The following CUX2 variants were observed in gnomAD, a reference collection of about 807,000 sequenced individuals.
The protein encoded by CUX2 is homeobox protein cut-like 2.
A neutral mutation model predicts 144.8 loss-of-function variants in CUX2; 40 were observed. That is an observed-to-expected ratio of 0.28 (90% CI 0.21 to 0.36). The LOEUF (loss-of-function observed/expected upper bound fraction) is 0.36, where lower values mean the gene tolerates loss of function less well. Among genes scored for constraint, CUX2 ranks in the 10% least tolerant of loss-of-function variants. The probability of loss-of-function intolerance (pLI) is 1.00; values close to 1 mark genes in which losing one functional copy is unlikely to be tolerated. For synonymous variants in CUX2, 827 were observed against 875.6 expected, an observed-to-expected ratio of 0.94 and a Z score of 0.98; for missense variants, 1,615 against 1,994.0, an observed-to-expected ratio of 0.81 and a Z score of 3.62.
chr12:111,106,067 G>A (rs1341224523), intron 1 of CUX2, among the ~76,000 whole-genome samples: 2 of 151,974 alleles, frequency 1.3e-5, no homozygotes, highest in Non-Finnish European at 2.9e-5. Flanking sequence ...GTCTTGCTGT[G>A]TTGCCCAGGC....
At chr12:111,233,375 T>C (rs1882581076) in intron 3 of CUX2, among the ~76,000 whole-genome samples, 1 of 152,208 alleles carries the variant, frequency 6.6e-6, no homozygotes, top group Non-Finnish European at 1.5e-5. Context: ...AGGTTCTTAT[T>C]TATTTCATTC....
intron 4 of CUX2, among the ~76,000 whole-genome samples, chr12:111,268,614 G>A (rs759126658): frequency 6.6e-5 from 10 of 152,350 alleles, no homozygotes; most frequent in South Asian, 2.1e-4. Flanking sequence ...TGGTCCCTGC[G>A]AGGACATGGC....
At chr12:111,232,713 A>G (rs1882540099) in intron 3 of CUX2, among the ~76,000 whole-genome samples, 1 of 152,170 alleles carries the variant, frequency 6.6e-6, no homozygotes, top group South Asian at 2.1e-4. Context: ...CTGACCCCTT[A>G]CAGGGAAAGT....
intron 1 of CUX2, among the ~76,000 whole-genome samples, chr12:111,161,122 G>T (rs1027407917): frequency 3.9e-5 from 6 of 152,150 alleles, no homozygotes; most frequent in African/African-American, 1.4e-4. Context: ...GCCAGCCCTT[G>T]CCTGGCTGCC....
chr12:111,215,768 T>C (rs774227570), intron 2 of CUX2, among the ~76,000 whole-genome samples: 2 of 152,192 alleles, frequency 1.3e-5, no homozygotes, highest in African/African-American at 2.4e-5. Context: ...GCCCTCTCCC[T>C]GGTCAGCTTA....
intron 1 of CUX2, among the ~76,000 whole-genome samples, chr12:111,098,444 C>G (rs879801033): frequency 1.3e-5 from 2 of 151,646 alleles, no homozygotes; most frequent in Admixed American, 1.3e-4. Flanking sequence ...CAGGGAGGAG[C>G]TGCTGCAGTC....
chr12:111,203,164 G>A (rs1003826931), intron 1 of CUX2, among the ~76,000 whole-genome samples: 4 of 150,690 alleles, frequency 2.7e-5, no homozygotes, highest in Admixed American at 6.6e-5. Flanking sequence ...CCCAGGAGGC[G>A]GAGGTTGAAG....
intron 21 of CUX2, among the ~76,000 whole-genome samples, chr12:111,346,427 G>A (rs902531478): frequency 6.7e-6 from 1 of 148,418 alleles, no homozygotes; most frequent in Non-Finnish European, 1.5e-5. Flanking sequence ...AGTGAGCCGC[G>A]ATTGCGCCAC....
chr12:111,341,652 C>G lies in CUX2; in HGVS notation c.3386-128C>G, dbSNP rs1888582339. The G allele has an allele frequency of 2.6e-6, 3 of 1,144,262 alleles. No homozygotes were observed. In the South Asian group the frequency reaches 4.5e-5, roughly 17 times the overall value. 70.9% of individuals were successfully genotyped at this position (1,144,262 alleles called of 1,614,324 possible). ...GGGAGAAAGGCTGGGGGGCGGGCCT[C>G]TAAGCTTAGGGCATGATGGCCTCCG... On this transcript the variant is annotated intron_variant, in intron 20 of 21. Coordinates refer to ENST00000261726, the MANE Select transcript of CUX2 (RefSeq NM_015267.4).
chr12:111,333,326 G>A (rs1025677765), intron 18 of CUX2, among the ~76,000 whole-genome samples: 1 of 152,196 alleles, frequency 6.6e-6, no homozygotes, highest in African/African-American at 2.4e-5. Context: ...CGAGGTTGCA[G>A]TGAGTTATCA....
chr12:111,078,002 A>G (rs1871631127), intron 1 of CUX2, among the ~76,000 whole-genome samples: 1 of 152,228 alleles, frequency 6.6e-6, no homozygotes, highest in South Asian at 2.1e-4. Context: ...TGGCAAAGGC[A>G]TCTCAGCTCT....
At chr12:111,041,775 G>A (rs145613342) in intron 1 of CUX2, among the ~76,000 whole-genome samples, 2 of 152,306 alleles carry the variant, frequency 1.3e-5, no homozygotes, top group African/African-American at 2.4e-5. Context: ...GCCAGCTGTC[G>A]GAGTCCTGAG....
chr12:111,335,989 A>AG (rs1336616677), intron 19 of CUX2, among the ~76,000 whole-genome samples: 1 of 152,110 alleles, frequency 6.6e-6, no homozygotes, highest in African/African-American at 2.4e-5. Context: ...CAGGGCATCC[A>AG]GGACCCTGTG....
chr12:111,115,488 T>C (rs1874242000), intron 1 of CUX2, among the ~76,000 whole-genome samples: 1 of 152,078 alleles, frequency 6.6e-6, no homozygotes, highest in African/African-American at 2.4e-5. Flanking sequence ...GGTTTCACCA[T>C]GTTAGCCAGG....
intron 3 of CUX2, among the ~76,000 whole-genome samples, chr12:111,238,183 C>T (rs972430270): frequency 6.6e-6 from 1 of 152,222 alleles, no homozygotes; most frequent in Non-Finnish European, 1.5e-5. Flanking sequence ...GGACCTTTTA[C>T]AACGCTTAGC....
Position 111,295,241 on chromosome 12 carries a change from C to G in CUX2, c.561-92C>G. The G allele has an allele frequency of 9.1e-7, 1 of 1,103,244 alleles. No individual in the cohort carries two copies. 68.3% of individuals were successfully genotyped at this position (1,103,244 alleles called of 1,614,324 possible). A position where few individuals can be genotyped will look rare whatever the true frequency, so the allele number is the denominator to read the frequency against. On this transcript the variant is annotated intron_variant, in intron 6 of 21. Transcript: ENST00000261726. This position sits in a 1 kb window ranked among gnomAD's most constrained non-coding sequence, Gnocchi z 5.0. Reference sequence around the variant, plus strand: ...AGAGGTGCAGGTTACAGGGAGTGGGCAAGGGGTAGGAAGCAAGATGGGGCT... The same window carrying G: ...AGAGGTGCAGGTTACAGGGAGTGGGGAAGGGGTAGGAAGCAAGATGGGGCT...
intron 3 of CUX2, among the ~76,000 whole-genome samples, chr12:111,262,464 G>A (rs190789384): frequency 6.7e-5 from 10 of 149,868 alleles, no homozygotes; most frequent in East Asian, 3.9e-4. Flanking sequence ...TGGCAGCCTC[G>A]AAATCCTGGC....
chr12:111,268,211 G>T (rs201563450), intron 4 of CUX2, among the ~76,000 whole-genome samples: 2 of 130,846 alleles, frequency 1.5e-5, no homozygotes, highest in East Asian at 4.8e-4. Context: ...GTTTTTGTTT[G>T]TTTTTTGTTT....
chr12:111,082,969 T>C (rs1871986868), intron 1 of CUX2, among the ~76,000 whole-genome samples: 1 of 151,510 alleles, frequency 6.6e-6, no homozygotes, highest in South Asian at 2.1e-4. Flanking sequence ...CTGGAAAGAG[T>C]CTTCTATCAC....
Sources: allele counts gnomAD v4.1 joint callset (sites outside exome capture counted in the v4.1 genomes callset), GRCh38; gene constraint gnomAD v4.1.1; non-coding constraint Gnocchi (gnomAD v3.1); transcripts MANE v1.5; gene names NCBI Gene and HGNC (gene_info 2026-07-23, HGNC 2026-07-21).